Variants in SYNE1 observed in about 807,000 individuals in gnomAD.
SYNE1 encodes the protein spectrin repeat containing nuclear envelope protein 1.
Under a neutral mutation model 1,111.0 loss-of-function variants are expected in SYNE1, and 616 were observed. The ratio of observed to expected loss-of-function variants is 0.55; its 90% confidence interval spans 0.52 to 0.59. The LOEUF (loss-of-function observed/expected upper bound fraction) is 0.59, where lower values mean the gene tolerates loss of function less well. SYNE1 is among the 20% of genes least tolerant of loss of function. SYNE1 has a pLI of 0.00. For missense variants in SYNE1, 10,006 were observed against 10,417.0 expected (o/e 0.96, Z 1.72); for synonymous variants, 3,855 against 3,825.8 (o/e 1.01, Z -0.28).
rs2096319498 is a variant in SYNE1 at position 152,334,123 on chromosome 6, T to G, written c.12679A>C (p.Asn4227His). The change falls in exon 77 of 146, where the codon AAC (asparagine) becomes CAC (histidine). Residue 4227 changes from asparagine (N) to histidine (H), a missense_variant. By Grantham distance (68) the Asn-to-His change is moderately conservative (BLOSUM62 1). Around this residue, in one of 7 missense-constraint regions of SYNE1, gnomAD observed 4,955 missense variants for 5,017.2 expected, o/e 0.99. Coordinates refer to ENST00000367255, the MANE Select transcript of SYNE1 (RefSeq NM_182961.4). The stretch of plus-strand genomic sequence containing the variant: ...TCCTCTTCCCTTTGCAAGCACAGGT[T>G]GTTAGACTGACGGCACAAATCGAGC... The part of the protein sequence containing the change: ...QWLDLCRQSN[N>H]LCLQREEDLQ... 2.5e-6 allele frequency: 4 copies of G among 1,614,156 alleles called. No homozygotes were observed. Among genetic ancestry groups the G allele is most frequent in the Non-Finnish European group, 3.4e-6 (4 of 1,180,022 alleles).
chr6:152,378,614 T>A (rs1432719388), intron 56 of SYNE1, among the ~76,000 whole-genome samples: 1 of 152,190 alleles, frequency 6.6e-6, no homozygotes, highest in African/African-American at 2.4e-5. Context: ...CTCTCTAGGT[T>A]CCTCTCTTGT....
At chr6:152,484,713 C>A in intron 13 of SYNE1, 122 bp downstream of exon 13, 1 of 1,055,450 alleles carries the variant, frequency 9.5e-7, no homozygotes, top group Non-Finnish European at 1.4e-6. Flanking sequence ...ATAGTTAAGT[C>A]TTTCTAGCCT....
chr6:152,451,724 A>G (rs776512932), intron 25 of SYNE1, among the ~76,000 whole-genome samples: 14 of 151,776 alleles, frequency 9.2e-5, no homozygotes, highest in Admixed American at 2.6e-4. Flanking sequence ...TAGGTGATCC[A>G]CCCACCTCAG....
intron 12 of SYNE1, 152 bp from the exon 13 acceptor site, chr6:152,485,124 G>T: frequency 1.1e-6 from 1 of 919,256 alleles, no homozygotes; most frequent in Non-Finnish European, 1.6e-6. Flanking sequence ...ACTAATAGCA[G>T]CTGTCATTCA....
intron 116 of SYNE1, 144 bp downstream of exon 116, chr6:152,225,573 AAGAG>A: frequency 1.1e-6 from 1 of 935,172 alleles, no homozygotes; most frequent in Non-Finnish European, 1.6e-6. Context: ...AAAAAAAAAA[AAGAG>A]GATAACGAAG....
intron 98 of SYNE1, among the ~76,000 whole-genome samples, chr6:152,273,259 C>T (rs928182122): frequency 1.3e-5 from 2 of 152,172 alleles, no homozygotes; most frequent in South Asian, 2.1e-4. Context: ...CAGTCCAGCC[C>T]GCTAAGTCTC....
intron 11 of SYNE1, among the ~76,000 whole-genome samples, chr6:152,495,557 T>C (rs1231627228): frequency 6.6e-6 from 1 of 152,148 alleles, no homozygotes; most frequent in Non-Finnish European, 1.5e-5. Flanking sequence ...AATTACCTGC[T>C]CCACCCTGAC....
At chr6:152,478,362 A>G (rs1324840201) in intron 14 of SYNE1, among the ~76,000 whole-genome samples, 1 of 152,226 alleles carries the variant, frequency 6.6e-6, no homozygotes, top group Non-Finnish European at 1.5e-5. Context: ...AGATGAGTTA[A>G]TGGCAGCATA....
chr6:152,343,831 G>C (rs2096583085), intron 74 of SYNE1, among the ~76,000 whole-genome samples: 1 of 152,254 alleles, frequency 6.6e-6, no homozygotes, highest in Non-Finnish European at 1.5e-5. Flanking sequence ...GCCTCCCAAA[G>C]TGCTGGGATT....
intron 70 of SYNE1, among the ~76,000 whole-genome samples, chr6:152,351,058 C>A (rs529672690): frequency 1.3e-5 from 2 of 152,150 alleles, no homozygotes; most frequent in Non-Finnish European, 2.9e-5. Flanking sequence ...CTGGCTTCTA[C>A]CTTATTCCTT....
At chr6:152,350,126 G>T in intron 72 of SYNE1, 42 bp downstream of exon 72, 1 of 1,611,752 alleles carries the variant, frequency 6.2e-7, no homozygotes, top group Non-Finnish European at 8.5e-7. Flanking sequence ...ACACACACTG[G>T]TGAAGCCATC....
intron 111 of SYNE1, 84 bp from the exon 112 acceptor site, chr6:152,234,047 C>A (rs1458060399): frequency 7.1e-7 from 1 of 1,399,070 alleles, no homozygotes; most frequent in African/African-American, 1.4e-5. Flanking sequence ...GTGCATGAAA[C>A]AATTTCCTTT....
In SYNE1 at chr6:152,451,067, T is replaced by G; in HGVS notation, c.3166A>C (p.Lys1056Gln). 1 of 1,614,150 alleles carries G rather than the reference T, an allele frequency of 6.2e-7. No individual in the cohort carries two copies. The highest frequency in any genetic ancestry group is 8.5e-7 in the Non-Finnish European group (1 of 1,180,022). The change falls in exon 26 of 146, where the codon AAG (lysine) becomes CAG (glutamine). Residue 1056 changes from lysine (K) to glutamine (Q), a missense_variant. Lys to Gln is a moderately conservative substitution (Grantham distance 53). Transcript: ENST00000367255. ...TKLMPQEGSE[K>Q]IIKEHRVFFS... is the part of the protein sequence containing the mutation. ...CGTACCCTGTGCTCTTTAATTATCT[T>G]TTCACTGCCTTCCTGGGGCATCAGC... is the stretch of plus-strand genomic sequence containing the variant.
chr6:152,365,885 A>G (rs2154078643), intron 62 of SYNE1, among the ~76,000 whole-genome samples: 1 of 152,288 alleles, frequency 6.6e-6, no homozygotes, highest in East Asian at 1.9e-4. Context: ...CATTGCCACC[A>G]GTTTCTGCTG....
intron 129 of SYNE1, among the ~76,000 whole-genome samples, chr6:152,178,905 C>G (rs958322388): frequency 1.4e-5 from 2 of 146,218 alleles, no homozygotes. Flanking sequence ...TGAAATCACC[C>G]AATTCTTTTT....
chr6:152,339,216 T>G, intron 75 of SYNE1, 25 bp downstream of exon 75: 1 of 1,611,934 alleles, frequency 6.2e-7, no homozygotes, highest in Admixed American at 1.7e-5. Context: ...ACAAACAAAT[T>G]CAATGTGATT....
chr6:152,552,347 G>T lies in SYNE1; in HGVS notation c.68-12326C>A, dbSNP rs756264927. ...TTACATTTTCACATTTTGGGATTTT[G>T]CATTTCAAATTACTGCTAATATTAT... On this transcript the variant is annotated intron_variant, in intron 3 of 145. Transcript: ENST00000367255. Among the ~76,000 whole-genome samples, 4 of 151,860 alleles carry T rather than the reference G, an allele frequency of 2.6e-5. No homozygotes were observed. The South Asian group carries it at 8.3e-4, about 32-fold the overall frequency.
intron 53 of SYNE1, among the ~76,000 whole-genome samples, chr6:152,388,371 C>T (rs1415539727): frequency 6.6e-6 from 1 of 152,138 alleles, no homozygotes; most frequent in Non-Finnish European, 1.5e-5. Flanking sequence ...CCTCAGCCTC[C>T]CGAGTAGCTG....
Position 152,151,162 on chromosome 6 carries a change from C to A in SYNE1, c.24450+391G>T, listed in dbSNP as rs548741213. ...GCTTGAACCAGGGAAGTGGAGGTTG[C>A]AGTGAGCCAAGATTGCGCCACTGCA... On this transcript the variant is annotated intron_variant, in intron 135 of 145. Coordinates refer to ENST00000367255, the MANE Select transcript of SYNE1 (RefSeq NM_182961.4). 9.2e-5 allele frequency among the ~76,000 whole-genome samples: 14 copies of A among 151,454 alleles called. No homozygotes were observed. The South Asian group carries it at 2.7e-3, about 29-fold the overall frequency.
Sources: allele counts gnomAD v4.1 joint callset (sites outside exome capture counted in the v4.1 genomes callset), GRCh38; gene constraint gnomAD v4.1.1; regional missense constraint gnomAD v4.1.1; transcripts MANE v1.5; gene names NCBI Gene and HGNC (gene_info 2026-07-23, HGNC 2026-07-21).